The following PIP5K1B variants were observed in gnomAD, a reference collection of about 807,000 sequenced individuals.
PIP5K1B encodes phosphatidylinositol-4-phosphate 5-kinase type 1 beta, also known as phosphatidylinositol 4-phosphate 5-kinase type-1 beta.
PIP5K1B carries 42 observed loss-of-function variants against 67.0 expected under a neutral mutation model. That is an observed-to-expected ratio of 0.63 (90% CI 0.49 to 0.81). The LOEUF (loss-of-function observed/expected upper bound fraction) is 0.81, where lower values mean the gene tolerates loss of function less well. Ranked by LOEUF, PIP5K1B falls within the 30% of genes least tolerant of loss-of-function variation. PIP5K1B has a pLI of 0.00. For synonymous variants in PIP5K1B, 214 were observed against 231.4 expected (o/e 0.92, Z 0.68); for missense variants, 459 against 646.3 (o/e 0.71, Z 3.14).
At position 68,790,159 on chromosome 9, in the gene PIP5K1B, G is replaced by A. The variant is rs73455698; in HGVS notation, c.-85-28302G>A. 3.3e-3 allele frequency among the ~76,000 whole-genome samples: 496 copies of A among 152,260 alleles called. 4 individuals carry two copies. The highest frequency in any genetic ancestry group is 0.011 in the African/African-American group (447 of 41,546). On this transcript the variant is annotated intron_variant, in intron 2 of 15. Coordinates refer to ENST00000265382, the MANE Select transcript of PIP5K1B (RefSeq NM_003558.4). ...ACACCAAGATTCAAAGAAGGATCAT[G>A]CTTACCTCTTCTTTCCCTGTGAGAG...
intron 2 of PIP5K1B, among the ~76,000 whole-genome samples, chr9:68,776,392 A>G (rs1187991339): frequency 1.3e-5 from 2 of 152,164 alleles, no homozygotes; most frequent in African/African-American, 4.8e-5. Context: ...AGTTCCACTT[A>G]TTCCTCATTG....
At chr9:68,961,731 A>G (rs1828759792) in intron 14 of PIP5K1B, among the ~76,000 whole-genome samples, 1 of 152,020 alleles carries the variant, frequency 6.6e-6, no homozygotes, top group Non-Finnish European at 1.5e-5. Context: ...GCAGGCTAGT[A>G]CCCTCCTTAT....
At chr9:68,919,760 A>G (rs761817445) in intron 11 of PIP5K1B, 31 bp downstream of exon 11, 23 of 1,281,982 alleles carry the variant, frequency 1.8e-5, no homozygotes, top group Middle Eastern at 2.4e-4. Flanking sequence ...ATTATACTGT[A>G]TATATTTCTG....
intron 2 of PIP5K1B, among the ~76,000 whole-genome samples, chr9:68,754,593 T>C (rs1057088314): frequency 5.3e-5 from 8 of 152,360 alleles, no homozygotes; most frequent in Middle Eastern, 3.4e-3. Flanking sequence ...CCTGGCTCTT[T>C]CTAGAAATTA....
At chr9:68,925,092 A>G (rs1253666774) in intron 12 of PIP5K1B, among the ~76,000 whole-genome samples, 3 of 152,104 alleles carry the variant, frequency 2.0e-5, no homozygotes, top group Admixed American at 1.3e-4. Context: ...TGAAGTTGCA[A>G]CACATTAAAA....
intron 4 of PIP5K1B, among the ~76,000 whole-genome samples, chr9:68,840,666 T>C (rs1407767494): frequency 6.6e-6 from 1 of 152,196 alleles, no homozygotes; most frequent in Non-Finnish European, 1.5e-5. Context: ...TGAGTCCCTC[T>C]TACATTATGT....
intron 4 of PIP5K1B, among the ~76,000 whole-genome samples, chr9:68,838,121 A>T: frequency 6.9e-6 from 1 of 144,850 alleles, no homozygotes; most frequent in African/African-American, 2.5e-5. Flanking sequence ...ACATTTTCTG[A>T]CTGGGGATAC....
At position 68,775,828 on chromosome 9, in the gene PIP5K1B, A is replaced by G. The variant is rs1830890394; in HGVS notation, c.-86+33171A>G. 7.2e-5 allele frequency among the ~76,000 whole-genome samples: 11 copies of G among 152,262 alleles called. No individual in the cohort carries two copies. The South Asian group carries it at 2.3e-3, about 32-fold the overall frequency. ...TTTTGTACTTAATTTCTTTCATTCA[A>G]CATTATATTGTAACTCATCCATGTT... On this transcript the variant is annotated intron_variant, in intron 2 of 15. Transcript: ENST00000265382.
chr9:68,831,587 A>G (rs1418337372), intron 4 of PIP5K1B, among the ~76,000 whole-genome samples: 1 of 152,254 alleles, frequency 6.6e-6, no homozygotes. Context: ...TGCTCAAGAC[A>G]TTAAAACAGT....
intron 14 of PIP5K1B, among the ~76,000 whole-genome samples, chr9:68,990,073 T>G (rs1160745722): frequency 6.6e-6 from 1 of 152,232 alleles, no homozygotes. Context: ...TCTCTTCAGA[T>G]GACTCTCCAA....
At chr9:68,930,498 C>G (rs887282766) in intron 12 of PIP5K1B, among the ~76,000 whole-genome samples, 4 of 152,172 alleles carry the variant, frequency 2.6e-5, no homozygotes, top group African/African-American at 9.7e-5. Flanking sequence ...TCAGCAACAC[C>G]TATCAGTCCT....
chr9:68,856,219 A>C (rs1054358484), intron 4 of PIP5K1B, among the ~76,000 whole-genome samples: 6 of 152,088 alleles, frequency 3.9e-5, no homozygotes, highest in Admixed American at 1.3e-4. Context: ...CGACTAATGA[A>C]CTCATATGAT....
At chr9:68,961,346 T>C (rs906479075) in intron 14 of PIP5K1B, among the ~76,000 whole-genome samples, 1 of 152,206 alleles carries the variant, frequency 6.6e-6, no homozygotes, top group African/African-American at 2.4e-5. Context: ...CTCGAGGTGA[T>C]GAAAATATTC....
intron 14 of PIP5K1B, among the ~76,000 whole-genome samples, chr9:68,969,674 T>G (rs192575503): frequency 5.9e-5 from 9 of 152,322 alleles, no homozygotes; most frequent in African/African-American, 2.2e-4. Context: ...CATTGTGAGA[T>G]ATCTTCTGTA....
intron 5 of PIP5K1B, among the ~76,000 whole-genome samples, chr9:68,874,476 A>G (rs949069178): frequency 2.6e-5 from 4 of 152,218 alleles, no homozygotes; most frequent in African/African-American, 4.8e-5. Flanking sequence ...ACCTAACACT[A>G]TCGTTTTATA....
At chr9:68,800,110 T>C (rs1021750685) in intron 2 of PIP5K1B, among the ~76,000 whole-genome samples, 11 of 152,334 alleles carry the variant, frequency 7.2e-5, no homozygotes, top group Admixed American at 1.3e-4. Context: ...AAAACATACA[T>C]GAGCCTGGCC....
chr9:68,860,678 G>T (rs1479492055), intron 4 of PIP5K1B, among the ~76,000 whole-genome samples: 1 of 152,158 alleles, frequency 6.6e-6, no homozygotes, highest in Admixed American at 6.5e-5. Flanking sequence ...TACTAGCAAA[G>T]GGACTTGGGC....
chr9:68,767,073 A>G (rs1051964719), intron 2 of PIP5K1B, among the ~76,000 whole-genome samples: 2 of 152,260 alleles, frequency 1.3e-5, no homozygotes, highest in East Asian at 3.8e-4. Context: ...TGAGAGAACC[A>G]GTATAAACTA....
intron 2 of PIP5K1B, among the ~76,000 whole-genome samples, chr9:68,749,668 G>T (rs1829519348): frequency 2.0e-5 from 3 of 152,186 alleles, no homozygotes; most frequent in Admixed American, 2.0e-4. Context: ...TTTAAGTACA[G>T]AGGTTAAGAG....
Sources: allele counts gnomAD v4.1 joint callset (sites outside exome capture counted in the v4.1 genomes callset), GRCh38; gene constraint gnomAD v4.1.1; transcripts MANE v1.5; gene names NCBI Gene and HGNC (gene_info 2026-07-23, HGNC 2026-07-21).